Variants in HECW1 observed in about 807,000 individuals in gnomAD.
HECW1 encodes E3 ubiquitin-protein ligase HECW1.
HECW1 carries 61 observed loss-of-function variants against 182.3 expected under a neutral mutation model. The observed-to-expected ratio is 0.33, with a 90% confidence interval of 0.27 to 0.41. The LOEUF is 0.41. Ranked by LOEUF, HECW1 falls within the 10% of genes least tolerant of loss-of-function variation. The pLI is 1.00. For synonymous variants in HECW1, 859 were observed against 832.6 expected (o/e 1.03, Z -0.55); for missense variants, 1,739 against 2,108.9 (o/e 0.82, Z 3.44).
intron 29 of HECW1, among the ~76,000 whole-genome samples, chr7:43,560,881 C>A (rs1172735664): frequency 6.6e-6 from 1 of 152,208 alleles, no homozygotes; most frequent in Non-Finnish European, 1.5e-5. Flanking sequence ...TCTGAAAACA[C>A]CATTTCAACA....
intron 2 of HECW1, among the ~76,000 whole-genome samples, chr7:43,167,749 C>A (rs1406257168): frequency 6.6e-6 from 1 of 152,164 alleles, no homozygotes; most frequent in Non-Finnish European, 1.5e-5. Context: ...GTTCAAGTAC[C>A]ACCCTCTCTC....
intron 2 of HECW1, among the ~76,000 whole-genome samples, chr7:43,149,307 C>A (rs1037178848): frequency 2.0e-5 from 3 of 152,188 alleles, no homozygotes; most frequent in Non-Finnish European, 4.4e-5. Context: ...GAGAAAGACA[C>A]ATCACTTCTG....
chr7:43,180,545 G>A (rs984313513), intron 2 of HECW1, among the ~76,000 whole-genome samples: 35 of 152,052 alleles, frequency 2.3e-4, no homozygotes, highest in Middle Eastern at 3.4e-3. Context: ...ACAGGTGCCC[G>A]CCACCACGCC....
intron 8 of HECW1, among the ~76,000 whole-genome samples, chr7:43,436,248 G>A (rs1329913727): frequency 6.6e-6 from 1 of 151,314 alleles, no homozygotes; most frequent in African/African-American, 2.4e-5. Context: ...GTGTTTCACA[G>A]CCCTTGATTA....
At chr7:43,262,817 CT>C (rs1801327701) in intron 3 of HECW1, among the ~76,000 whole-genome samples, 1 of 152,156 alleles carries the variant, frequency 6.6e-6, no homozygotes, top group Non-Finnish European at 1.5e-5. Flanking sequence ...TCCATTTGCA[CT>C]TCCACCTTCT....
At chr7:43,348,115 A>G (rs1306232908) in intron 5 of HECW1, among the ~76,000 whole-genome samples, 4 of 152,134 alleles carry the variant, frequency 2.6e-5, no homozygotes, top group African/African-American at 9.7e-5. Flanking sequence ...AATGTCTGGT[A>G]GAATTTTGCT....
At chr7:43,544,111 C>T (rs1419152031) in intron 26 of HECW1, among the ~76,000 whole-genome samples, 3 of 152,118 alleles carry the variant, frequency 2.0e-5, no homozygotes, top group African/African-American at 7.2e-5. Flanking sequence ...TAATCTTGCA[C>T]TAAAGAATGC....
chr7:43,479,677 G>C lies in HECW1; in HGVS notation c.3167G>C (p.Gly1056Ala). ...GACCCCCGAATCCCTCTTCAGAACG[G>C]TCGTCTTCCCAATCATCTAACTCAC... ...FIDPRIPLQNGRLPNHLTHRQ... is the reference protein window; with the variant it reads ...FIDPRIPLQNARLPNHLTHRQ... The change falls in exon 17 of 30, where the codon GGT becomes GCT. Residue 1056 changes from glycine (G) to alanine (A), a missense_variant. Coordinates refer to ENST00000395891, the MANE Select transcript of HECW1 (RefSeq NM_015052.5). The C allele has an allele frequency of 6.2e-7, 1 of 1,614,050 alleles. No homozygotes were observed. The highest frequency in any genetic ancestry group is 1.1e-5 in the South Asian group (1 of 91,078).
At chr7:43,208,414 G>C (rs1795691869) in intron 2 of HECW1, among the ~76,000 whole-genome samples, 1 of 152,160 alleles carries the variant, frequency 6.6e-6, no homozygotes, top group African/African-American at 2.4e-5. Flanking sequence ...TATTTTAAGT[G>C]TTCTCTTCAG....
chr7:43,164,827 C>G (rs60033220), intron 2 of HECW1, among the ~76,000 whole-genome samples: 15,832 of 152,254 alleles, frequency 0.1, 1,159 homozygotes, highest in African/African-American at 0.21. Context: ...GCCGAGCATG[C>G]AGCCGCGCTT....
intron 4 of HECW1, among the ~76,000 whole-genome samples, chr7:43,317,264 G>A (rs6969378): frequency 0.15 from 23,424 of 152,150 alleles, 5,826 homozygotes; most frequent in African/African-American, 0.53. Flanking sequence ...GACCTACTCC[G>A]CTTGCCACTG....
At chr7:43,251,120 T>G (rs1799981562) in intron 3 of HECW1, among the ~76,000 whole-genome samples, 1 of 152,140 alleles carries the variant, frequency 6.6e-6, no homozygotes, top group Admixed American at 6.5e-5. Flanking sequence ...CCAGTCATTT[T>G]ATTGAGGTTT....
At chr7:43,500,869 GA>G in intron 20 of HECW1, 87 bp downstream of exon 20, 1 of 1,102,360 alleles carries the variant, frequency 9.1e-7, no homozygotes, top group East Asian at 2.4e-5. Context: ...GGCCTAGACT[GA>G]AAAACTCACC....
chr7:43,320,409 C>T (rs771059383), intron 4 of HECW1, among the ~76,000 whole-genome samples: 1 of 152,184 alleles, frequency 6.6e-6, no homozygotes, highest in Non-Finnish European at 1.5e-5. Flanking sequence ...GCTAGATGAT[C>T]TCCTGCCAGC....
chr7:43,327,098 A>G (rs1810889448), intron 5 of HECW1, among the ~76,000 whole-genome samples: 1 of 152,194 alleles, frequency 6.6e-6, no homozygotes, highest in South Asian at 2.1e-4. Flanking sequence ...TGTTATTTCC[A>G]AGGAGATGTC....
At chr7:43,534,420 A>T (rs1369482641) in intron 24 of HECW1, among the ~76,000 whole-genome samples, 1 of 152,212 alleles carries the variant, frequency 6.6e-6, no homozygotes, top group Non-Finnish European at 1.5e-5. Flanking sequence ...CACTAGAGAA[A>T]CTGAAGAGGG....
chr7:43,508,688 T>C (rs558629403), intron 23 of HECW1: 3 of 429,162 alleles, frequency 7.0e-6, no homozygotes, highest in East Asian at 8.2e-5. Flanking sequence ...CTGTGTGTTT[T>C]AGCTCAGAGG....
At chr7:43,213,315 C>G (rs1007172227) in intron 2 of HECW1, among the ~76,000 whole-genome samples, 3 of 151,718 alleles carry the variant, frequency 2.0e-5, no homozygotes, top group African/African-American at 7.3e-5. Flanking sequence ...GAGACTTTAT[C>G]ATAAATGACA....
intron 5 of HECW1, among the ~76,000 whole-genome samples, chr7:43,334,374 A>G (rs1354201272): frequency 2.0e-5 from 3 of 152,168 alleles, no homozygotes; most frequent in Admixed American, 2.0e-4. Context: ...AAATATACAA[A>G]ACCTCTCCCA....
Sources: gnomAD v4.1 joint callset for allele counts (sites outside exome capture counted in the v4.1 genomes callset) on GRCh38, gnomAD v4.1.1 for gene constraint, MANE v1.5 for transcripts, NCBI Gene and HGNC (gene_info 2026-07-23, HGNC 2026-07-21) for gene names.